The following KDM5B variants were observed in gnomAD, a reference collection of about 807,000 sequenced individuals.
The protein encoded by KDM5B is lysine-specific demethylase 5B.
KDM5B carries 144 observed loss-of-function variants against 193.4 expected under a neutral mutation model. That is an observed-to-expected ratio of 0.74 (90% CI 0.65 to 0.86). The LOEUF is 0.86. Among genes scored for constraint, KDM5B ranks in the 40% least tolerant of loss-of-function variants. The probability of loss-of-function intolerance (pLI) is 0.00; values close to 1 mark genes in which losing one functional copy is unlikely to be tolerated. For synonymous variants in KDM5B, 668 were observed against 682.6 expected, an observed-to-expected ratio of 0.98 and a Z score of 0.33; for missense variants, 1,833 against 1,886.9, an observed-to-expected ratio of 0.97 and a Z score of 0.53.
chr1:202,731,808 C>A lies in KDM5B; in HGVS notation c.4021+20G>T. 2 of 1,499,346 alleles carry A rather than the reference C, an allele frequency of 1.3e-6. No individual in the cohort carries two copies. The allele number at this position is 1,499,346 out of a possible 1,614,324, so 92.9% of individuals were successfully genotyped here. A position where few individuals can be genotyped will look rare whatever the true frequency, so the allele number is the denominator to read the frequency against. The stretch of plus-strand genomic sequence containing the variant: ...TCACTCATTACTATCCAGCCCTCAA[C>A]GTAATAACAAAATACAAACCATGGA... On this transcript the variant is annotated intron_variant, in intron 24 of 26. Coordinates refer to ENST00000367265, the MANE Select transcript of KDM5B (RefSeq NM_006618.5).
chr1:202,802,043 C>A (rs1428744647), intron 1 of KDM5B, among the ~76,000 whole-genome samples: 7 of 151,048 alleles, frequency 4.6e-5, no homozygotes, highest in East Asian at 3.9e-4. Flanking sequence ...ATACCAAATT[C>A]TCTTAGAGAA....
At chr1:202,799,719 C>T (rs1657999115) in intron 1 of KDM5B, among the ~76,000 whole-genome samples, 1 of 151,590 alleles carries the variant, frequency 6.6e-6, no homozygotes, top group Non-Finnish European at 1.5e-5. Flanking sequence ...TATACATACA[C>T]ACAGTCCCCT....
intron 4 of KDM5B, among the ~76,000 whole-genome samples, chr1:202,769,761 G>C (rs989149452): frequency 6.8e-6 from 1 of 146,618 alleles, no homozygotes; most frequent in Non-Finnish European, 1.5e-5. Context: ...GAAAAAATTT[G>C]TATAGAACAT....
At chr1:202,732,113 A>G in intron 23 of KDM5B, 174 bp from the exon 24 acceptor site, 1 of 556,854 alleles carries the variant, frequency 1.8e-6, no homozygotes, top group South Asian at 2.2e-5. Flanking sequence ...TGGCCAAATC[A>G]ACTCATATCT....
chr1:202,733,715 A>G lies in KDM5B; in HGVS notation c.3595T>C (p.Phe1199Leu), dbSNP rs775682405. The G allele has an allele frequency of 6.2e-7, 1 of 1,614,084 alleles. No individual in the cohort carries two copies. The highest frequency in any genetic ancestry group is 1.3e-5 in the African/African-American group (1 of 75,024). The change falls in exon 23 of 27, where the codon TTC becomes CTC. Residue 1199 changes from phenylalanine to leucine, a missense_variant. By Grantham distance (22) the Phe-to-Leu change is conservative. Coordinates refer to ENST00000367265, the MANE Select transcript of KDM5B (RefSeq NM_006618.5). ...GGTACCGCCACACAACTGGTGTGGA[A>G]AGCATCCCTGCAGAGTTCACATTGA... ...MIQCELCRDA[F>L]HTSCVAVPSI...
intron 1 of KDM5B, among the ~76,000 whole-genome samples, chr1:202,802,154 G>C (rs1474383185): frequency 6.6e-6 from 1 of 152,114 alleles, no homozygotes; most frequent in Non-Finnish European, 1.5e-5. Context: ...ATGGCATTTG[G>C]AAAGAAGTAC....
intron 1 of KDM5B, among the ~76,000 whole-genome samples, chr1:202,789,276 T>C (rs1235345966): frequency 1.3e-5 from 2 of 152,082 alleles, no homozygotes; most frequent in South Asian, 2.1e-4. Flanking sequence ...AGCCCAGCAC[T>C]TTGGGAGGCC....
At chr1:202,794,586 A>T (rs772536107) in intron 1 of KDM5B, among the ~76,000 whole-genome samples, 1 of 152,228 alleles carries the variant, frequency 6.6e-6, no homozygotes, top group Non-Finnish European at 1.5e-5. Context: ...TCTACTCCTA[A>T]CAAAAATACC....
At position 202,767,012 on chromosome 1, in the gene KDM5B, T is replaced by G; in HGVS notation, c.625A>C (p.Lys209Gln). Residue 209 changes from lysine (K) to glutamine (Q), a missense_variant, in exon 5 of 27, where the codon AAA becomes CAA. Lys to Gln is a moderately conservative substitution (Grantham distance 53). Transcript: ENST00000367265. ...LTTDTKDKEYKPHDIPQRQSV... is the reference protein window; with the variant it reads ...LTTDTKDKEYQPHDIPQRQSV... Reference sequence around the variant, plus strand: ...TGCCTCTGGGGAATATCATGGGGTTTGTACTCCTTGTCCTTAGTGTCTGTG... The same window carrying G: ...TGCCTCTGGGGAATATCATGGGGTTGGTACTCCTTGTCCTTAGTGTCTGTG... 1 of 1,606,666 alleles carries G rather than the reference T, an allele frequency of 6.2e-7. No homozygotes were observed. The highest frequency in any genetic ancestry group is 1.3e-5 in the African/African-American group (1 of 74,386).
intron 20 of KDM5B, among the ~76,000 whole-genome samples, chr1:202,739,728 C>T (rs966718680): frequency 1.3e-5 from 2 of 152,102 alleles, no homozygotes; most frequent in Admixed American, 6.5e-5. Flanking sequence ...CATCTTGCAC[C>T]GCCCTTAATC....
intron 16 of KDM5B, among the ~76,000 whole-genome samples, chr1:202,744,781 G>A (rs1331329105): frequency 6.6e-6 from 1 of 152,150 alleles, no homozygotes; most frequent in African/African-American, 2.4e-5. Flanking sequence ...ATTTGACCGA[G>A]CAATGCCATT....
intron 1 of KDM5B, among the ~76,000 whole-genome samples, chr1:202,803,551 C>A (rs923737186): frequency 2.6e-5 from 4 of 151,358 alleles, no homozygotes; most frequent in Non-Finnish European, 5.9e-5. Flanking sequence ...GGCCTAGGTG[C>A]GGTGGCTCAC....
In KDM5B at chr1:202,727,322, ATTC is replaced by A. The variant is rs1388071225; in HGVS notation, c.*1711_*1713del. Reference sequence around the variant, plus strand: ...GATTCCAAATTGTACTCTGGAGACTATTCTTCTCTATTGGCCCCAGAACCACCA... The same window carrying A: ...GATTCCAAATTGTACTCTGGAGACTATTCTCTATTGGCCCCAGAACCACCA... On this transcript the variant is annotated 3_prime_UTR_variant, in exon 27 of 27. Coordinates refer to ENST00000367265, the MANE Select transcript of KDM5B (RefSeq NM_006618.5). 9 of 152,318 alleles carry A rather than the reference ATTC, an allele frequency of 5.9e-5. No individual in the cohort carries two copies. Among genetic ancestry groups the A allele is most frequent in the Non-Finnish European group, 1.2e-4 (8 of 68,044 alleles). The allele number at this position is 152,318 out of a possible 1,614,324, so 9.4% of individuals were successfully genotyped here. A position where few individuals can be genotyped will look rare whatever the true frequency, so the allele number is the denominator to read the frequency against.
chr1:202,762,177 C>T lies in KDM5B; in HGVS notation c.918+522G>A, dbSNP rs552397381. Among the ~76,000 whole-genome samples the T allele has an allele frequency of 7.2e-5, 11 of 152,296 alleles. No homozygotes were observed. The East Asian group carries it at 1.2e-3, about 16-fold the overall frequency. ...CTCTGCCATGTCCTCTTCCCTATTC[C>T]TAACTGCTTTCCTTTGTTCCTTTTC... On this transcript the variant is annotated intron_variant, in intron 7 of 26. Coordinates refer to ENST00000367265, the MANE Select transcript of KDM5B (RefSeq NM_006618.5).
In KDM5B at chr1:202,749,013, T is replaced by C. The variant is rs1026993552; in HGVS notation, c.1948A>G (p.Thr650Ala). Residue 650 changes from threonine to alanine, a missense_variant, in exon 14 of 27, where the codon ACT (threonine) becomes GCT (alanine). This residue lies in a region of KDM5B where 1,379 missense variants were observed against 1,349.6 expected (regional missense o/e 1.02). Transcript: ENST00000367265. ...ATAATGGCCATGTCTTTCTGAACAG[T>C]TGAAGCCACTACAACATCTAATACA... ...ADVLDVVVASTVQKDMAIMIE... is the reference protein window; with the variant it reads ...ADVLDVVVASAVQKDMAIMIE... 3 of 1,614,058 alleles carry C rather than the reference T, an allele frequency of 1.9e-6. No homozygotes were observed. The highest frequency in any genetic ancestry group is 2.2e-5 in the East Asian group (1 of 44,898).
intron 1 of KDM5B, among the ~76,000 whole-genome samples, chr1:202,791,411 T>A (rs1237924186): frequency 2.0e-5 from 3 of 152,200 alleles, no homozygotes. Context: ...ATACTAACAA[T>A]GAACTTACTA....
chr1:202,755,546 A>G, intron 10 of KDM5B, 94 bp from the exon 11 acceptor site: 1 of 1,037,548 alleles, frequency 9.6e-7, no homozygotes, highest in Non-Finnish European at 1.4e-6. Context: ...CAAAATAAAA[A>G]AAGAAATGTG....
chr1:202,800,913 T>C (rs1381490985), intron 1 of KDM5B, among the ~76,000 whole-genome samples: 3 of 152,186 alleles, frequency 2.0e-5, no homozygotes, highest in African/African-American at 4.8e-5. Context: ...AACAAAGCCA[T>C]TGACTAAAAC....
intron 16 of KDM5B, among the ~76,000 whole-genome samples, chr1:202,743,691 A>T (rs186230835): frequency 2.8e-4 from 43 of 152,370 alleles, no homozygotes; most frequent in Admixed American, 1.4e-3. Context: ...ATAAAAAGGC[A>T]CACCTACAAC....
Sources: gnomAD v4.1 joint callset for allele counts (sites outside exome capture counted in the v4.1 genomes callset) on GRCh38, gnomAD v4.1.1 for gene constraint, gnomAD v4.1.1 regional missense constraint, MANE v1.5 for transcripts, NCBI Gene and HGNC (gene_info 2026-07-23, HGNC 2026-07-21) for gene names.